The following PRELID3A variants were observed in gnomAD, a reference collection of about 807,000 sequenced individuals.
PRELID3A encodes the protein PRELI domain containing protein 3A.
A neutral mutation model predicts 23.0 loss-of-function variants in PRELID3A; 27 were observed. The observed-to-expected ratio is 1.17, with a 90% CI of 0.87 to 1.62. PRELID3A has a LOEUF of 1.62. Ranked by LOEUF, PRELID3A falls within the 40% of genes most tolerant of loss-of-function variation. The pLI, the probability that PRELID3A is intolerant of heterozygous loss-of-function variation, is 0.00. For missense variants in PRELID3A, 231 were observed against 231.4 expected (o/e 1.00, Z 0.01); for synonymous variants, 87 against 86.4 (o/e 1.01, Z -0.04).
At chr18:12,429,175 C>T (rs1289306500) in intron 5 of PRELID3A, among the ~76,000 whole-genome samples, 175 bp from the exon 6 acceptor site, 1 of 152,194 alleles carries the variant, frequency 6.6e-6, no homozygotes, top group Non-Finnish European at 1.5e-5. Flanking sequence ...TTCCTTCCCC[C>T]TTCTGAGCTG....
chr18:12,412,661 G>C (rs1000609328), intron 1 of PRELID3A, among the ~76,000 whole-genome samples: 9 of 152,184 alleles, frequency 5.9e-5, no homozygotes, highest in African/African-American at 2.2e-4. Flanking sequence ...GACCAGCCCT[G>C]TGTCTATTTC....
chr18:12,425,307 G>A (rs1007152199), intron 3 of PRELID3A, among the ~76,000 whole-genome samples: 33 of 151,894 alleles, frequency 2.2e-4, no homozygotes, highest in South Asian at 2.1e-4. Flanking sequence ...TCTAGAGCTC[G>A]AGTGTTTAAA....
In PRELID3A at chr18:12,426,479, A is replaced by T. The variant is rs189857571; in HGVS notation, c.292-562A>T. ...TGAGGCAGGAGAATGGTGTGAACCC[A>T]GGAGGCAGAGCTTTCAGTGAGCCGA... On this transcript the variant is annotated intron_variant, in intron 3 of 6. Coordinates refer to ENST00000440960, the MANE Select transcript of PRELID3A (RefSeq NM_001142405.2). Among the ~76,000 whole-genome samples the T allele has an allele frequency of 2.4e-3, 341 of 144,900 alleles. 8 individuals carry two copies. The highest frequency in any genetic ancestry group is 0.019 in the Admixed American group (269 of 13,912).
At chr18:12,428,697 G>A (rs951843140) in intron 5 of PRELID3A, among the ~76,000 whole-genome samples, 2 of 152,212 alleles carry the variant, frequency 1.3e-5, no homozygotes, top group East Asian at 3.9e-4. Flanking sequence ...AAGGCCAAAG[G>A]GGGAGAGCTT....
intron 3 of PRELID3A, 115 bp downstream of exon 3, chr18:12,421,744 A>G: frequency 1.5e-6 from 1 of 667,566 alleles, no homozygotes; most frequent in Non-Finnish European, 2.7e-6. Context: ...CTTATTTTTA[A>G]CAGAAAGGCT....
chr18:12,431,043 G>A (rs1334242086), intron 6 of PRELID3A, 107 bp from the exon 7 acceptor site: 2 of 151,736 alleles, frequency 1.3e-5, no homozygotes, highest in Non-Finnish European at 2.9e-5. Flanking sequence ...ATATGCATGT[G>A]TGTGATGTGT....
At chr18:12,426,614 T>C (rs1261935728) in intron 3 of PRELID3A, among the ~76,000 whole-genome samples, 2 of 151,094 alleles carry the variant, frequency 1.3e-5, no homozygotes, top group Admixed American at 1.3e-4. Flanking sequence ...GAAGCGGTAC[T>C]GGAGGAGACA....
intron 1 of PRELID3A, among the ~76,000 whole-genome samples, chr18:12,412,377 G>C (rs1909948114): frequency 6.6e-6 from 1 of 150,922 alleles, no homozygotes; most frequent in Non-Finnish European, 1.5e-5. Context: ...TAGTAGAGAC[G>C]GGGTTTCGCC....
intron 5 of PRELID3A, among the ~76,000 whole-genome samples, chr18:12,428,249 T>C (rs1033758203): frequency 1.3e-5 from 2 of 152,060 alleles, no homozygotes; most frequent in African/African-American, 4.8e-5. Flanking sequence ...GTTCTAGGAG[T>C]CCAGGTTGCC....
chr18:12,411,193 A>G (rs570184098), intron 1 of PRELID3A, among the ~76,000 whole-genome samples: 1 of 151,222 alleles, frequency 6.6e-6, no homozygotes, highest in Non-Finnish European at 1.5e-5. Flanking sequence ...AATTAAAAGT[A>G]TATGGCCAAA....
At chr18:12,408,407 G>A (rs777700233) in intron 1 of PRELID3A, among the ~76,000 whole-genome samples, 2 of 152,086 alleles carry the variant, frequency 1.3e-5, no homozygotes, top group Non-Finnish European at 2.9e-5. Context: ...CAGGGGAGAG[G>A]CCTGCAAGCT....
chr18:12,416,006 T>C lies in PRELID3A; in HGVS notation c.33-4319T>C, dbSNP rs138909765. Among the ~76,000 whole-genome samples, 33 of 152,296 alleles carry C rather than the reference T, an allele frequency of 2.2e-4. 1 individual carries two copies. The highest frequency in any genetic ancestry group is 7.2e-4 in the Admixed American group (11 of 15,300). Reference sequence around the variant, plus strand: ...AGCAGAGGAGGCTCCTGCCGCCTGGTTGGGGATCTCTGAGTAGGCAGTTCT... The same window carrying C: ...AGCAGAGGAGGCTCCTGCCGCCTGGCTGGGGATCTCTGAGTAGGCAGTTCT... On this transcript the variant is annotated intron_variant, in intron 1 of 6. Coordinates refer to ENST00000440960, the MANE Select transcript of PRELID3A (RefSeq NM_001142405.2).
At chr18:12,430,914 TATG>T (rs1417007302) in intron 6 of PRELID3A, among the ~76,000 whole-genome samples, 1 of 151,168 alleles carries the variant, frequency 6.6e-6, no homozygotes, top group East Asian at 1.9e-4. Context: ...TGCATGTGTC[TATG>T]ATGTGCATGT....
intron 1 of PRELID3A, among the ~76,000 whole-genome samples, chr18:12,417,620 A>G (rs1189366484): frequency 6.6e-6 from 1 of 152,244 alleles, no homozygotes; most frequent in Non-Finnish European, 1.5e-5. Context: ...GAATAAGTCT[A>G]AGGAACTTAA....
chr18:12,409,726 C>T (rs78462710), intron 1 of PRELID3A, among the ~76,000 whole-genome samples: 2,507 of 152,130 alleles, frequency 0.016, 32 homozygotes, highest in African/African-American at 0.025. Flanking sequence ...GAGGTCTGCC[C>T]TAGAGGTTTG....
At chr18:12,421,683 G>C in intron 3 of PRELID3A, 54 bp downstream of exon 3, 2 of 1,197,710 alleles carry the variant, frequency 1.7e-6, no homozygotes, top group Admixed American at 1.7e-5. Flanking sequence ...GTGGTGGTGC[G>C]TAAGGCCTTC....
chr18:12,420,565 C>G (rs538409043), intron 2 of PRELID3A, 72 bp downstream of exon 2: 3 of 1,398,016 alleles, frequency 2.1e-6, no homozygotes, highest in Admixed American at 5.5e-5. Context: ...TCTCCCGCGT[C>G]CCTCCTCCCC....
intron 1 of PRELID3A, among the ~76,000 whole-genome samples, chr18:12,413,457 G>A (rs2029874426): frequency 6.6e-6 from 1 of 152,184 alleles, no homozygotes; most frequent in Non-Finnish European, 1.5e-5. Flanking sequence ...GTGTATGAAT[G>A]AGTCTTTAAC....
intron 3 of PRELID3A, among the ~76,000 whole-genome samples, chr18:12,426,508 C>T (rs1403847674): frequency 4.2e-5 from 6 of 141,710 alleles, no homozygotes; most frequent in African/African-American, 1.6e-4. Context: ...GAGCCGAGAT[C>T]GCGCCACTGC....
Sources: allele counts gnomAD v4.1 joint callset (sites outside exome capture counted in the v4.1 genomes callset), GRCh38; gene constraint gnomAD v4.1.1; transcripts MANE v1.5; gene names NCBI Gene and HGNC (gene_info 2026-07-23, HGNC 2026-07-21).